Variants in GABRG3 observed in about 807,000 individuals in gnomAD.
GABRG3 encodes gamma-aminobutyric acid receptor subunit gamma-3.
GABRG3 carries 25 observed loss-of-function variants against 48.8 expected under a neutral mutation model. The observed-to-expected ratio is 0.51, with a 90% CI of 0.37 to 0.72. GABRG3 has a LOEUF of 0.72. GABRG3 is among the 30% of genes least tolerant of loss of function. The pLI is 0.00. For missense variants in GABRG3, 394 were observed against 577.9 expected (o/e 0.68, Z 3.26); for synonymous variants, 227 against 217.6 (o/e 1.04, Z -0.38).
At chr15:27,133,313 C>G (rs1897953294) in intron 3 of GABRG3, among the ~76,000 whole-genome samples, 1 of 152,074 alleles carries the variant, frequency 6.6e-6, no homozygotes, top group Non-Finnish European at 1.5e-5. Context: ...AACATGTGTC[C>G]TGAATTAATA....
intron 6 of GABRG3, among the ~76,000 whole-genome samples, chr15:27,511,463 G>A (rs1890893375): frequency 6.6e-6 from 1 of 152,196 alleles, no homozygotes; most frequent in South Asian, 2.1e-4. Context: ...TAGCTATACT[G>A]CTACTAACCA....
chr15:27,047,226 T>C (rs1223785439), intron 3 of GABRG3, among the ~76,000 whole-genome samples: 1 of 152,144 alleles, frequency 6.6e-6, no homozygotes, highest in African/African-American at 2.4e-5. Flanking sequence ...AGTCTTACAG[T>C]TATCATACTG....
intron 3 of GABRG3, among the ~76,000 whole-genome samples, chr15:27,273,564 C>T (rs758105049): frequency 9.2e-5 from 14 of 152,136 alleles, no homozygotes; most frequent in Non-Finnish European, 1.5e-4. Context: ...GCGCAGAAGT[C>T]GTATGAGCTA....
At chr15:27,402,789 T>C (rs1273441475) in intron 5 of GABRG3, among the ~76,000 whole-genome samples, 4 of 152,198 alleles carry the variant, frequency 2.6e-5, no homozygotes. Flanking sequence ...GGAGAAAATA[T>C]ACCATAAGCA....
rs189490833 is a variant in GABRG3, at chr15:27,319,824, A to G, written c.271-6985A>G. 6.6e-6 allele frequency among the ~76,000 whole-genome samples: 1 copy of G among 152,334 alleles called. No homozygotes were observed. Among genetic ancestry groups the G allele is most frequent in the African/African-American group, 2.4e-5 (1 of 41,580 alleles). ...AACCCCAATTCTGTAGGCTCTGGGT[A>G]GCCATGATACATTTTTTTAATAGCA... On this transcript the variant is annotated intron_variant, in intron 3 of 9. Transcript: ENST00000615808. The surrounding 1 kb of genome is among the most constrained non-coding windows in gnomAD (Gnocchi z 4.4).
intron 5 of GABRG3, among the ~76,000 whole-genome samples, chr15:27,469,444 G>A (rs1318488190): frequency 2.0e-5 from 3 of 152,082 alleles, no homozygotes; most frequent in African/African-American, 4.8e-5. Flanking sequence ...AGGTTCAAGC[G>A]ATTCTCCGGC....
chr15:27,165,320 G>C (rs928589641), intron 3 of GABRG3, among the ~76,000 whole-genome samples: 2 of 152,054 alleles, frequency 1.3e-5, no homozygotes, highest in Admixed American at 6.5e-5. Flanking sequence ...TTCCACCTCC[G>C]CCCAGGCGCT....
chr15:27,308,678 C>T (rs1403613199), intron 3 of GABRG3, among the ~76,000 whole-genome samples: 6 of 147,474 alleles, frequency 4.1e-5, no homozygotes, highest in Non-Finnish European at 7.5e-5. Flanking sequence ...TAAACATACG[C>T]TTATGTATAA....
chr15:27,343,166 G>A (rs1042800381), intron 5 of GABRG3, among the ~76,000 whole-genome samples: 14 of 152,244 alleles, frequency 9.2e-5, no homozygotes, highest in African/African-American at 3.4e-4. Context: ...TTGGAAACAC[G>A]AAGGGGAGGG....
Position 27,180,251 on chromosome 15 carries a change from T to C in GABRG3, c.271-146558T>C, listed in dbSNP as rs1396209124. On this transcript the variant is annotated intron_variant, in intron 3 of 9. Coordinates refer to ENST00000615808, the MANE Select transcript of GABRG3 (RefSeq NM_033223.5). The surrounding 1 kb of genome is among the most constrained non-coding windows in gnomAD (Gnocchi z 4.2). ...AAATAAAGTTTGTAAACCACTGATG[T>C]AGAAGAGGGAGTAGATGTACATTCT... 6.6e-6 allele frequency among the ~76,000 whole-genome samples: 1 copy of C among 152,042 alleles called. No individual in the cohort carries two copies. Among genetic ancestry groups the C allele is most frequent in the Non-Finnish European group, 1.5e-5 (1 of 68,020 alleles).
rs756049787 is a variant in GABRG3 at position 27,480,707 on chromosome 15, C to T, written c.632C>T (p.Ala211Val). 2 of 1,613,120 alleles carry T rather than the reference C, an allele frequency of 1.2e-6. No individual in the cohort carries two copies. Among genetic ancestry groups the T allele is most frequent in the South Asian group, 2.2e-5 (2 of 90,796 alleles). ...TGGAGAAAAAATTCAGTGGAGGCAG[C>T]TGACCAGAAATCATGGCGGCTTTAT... ...YRWRKNSVEA[A>V]DQKSWRLYQF... The change falls in exon 6 of 10, where the codon GCT becomes GTT. Residue 211 changes from alanine to valine, a missense_variant. Around this residue, in one of 3 missense-constraint regions of GABRG3, gnomAD observed 218 missense variants for 309.9 expected, o/e 0.70. Transcript: ENST00000615808.
At chr15:27,456,659 A>G (rs1329861338) in intron 5 of GABRG3, among the ~76,000 whole-genome samples, 8 of 152,192 alleles carry the variant, frequency 5.3e-5, no homozygotes, top group Admixed American at 1.3e-4. Context: ...AAAGAGTGAC[A>G]GGGCTGCCCT....
intron 3 of GABRG3, among the ~76,000 whole-genome samples, chr15:27,148,724 T>C (rs1898256221): frequency 6.6e-6 from 1 of 152,010 alleles, no homozygotes; most frequent in Non-Finnish European, 1.5e-5. Context: ...TAATACTCTG[T>C]ATTCATAGAA....
intron 3 of GABRG3, among the ~76,000 whole-genome samples, chr15:27,091,371 G>C (rs958481303): frequency 6.6e-6 from 1 of 152,284 alleles, no homozygotes; most frequent in East Asian, 1.9e-4. Context: ...ACTGGATTCA[G>C]TTTGCTAGCA....
chr15:27,295,368 T>C (rs575404288), intron 3 of GABRG3, among the ~76,000 whole-genome samples: 16 of 152,278 alleles, frequency 1.1e-4, no homozygotes, highest in African/African-American at 3.9e-4. Flanking sequence ...TAAGATTTGC[T>C]AGACCTCAAC....
At chr15:27,349,674 G>C (rs1213928660) in intron 5 of GABRG3, among the ~76,000 whole-genome samples, 1 of 152,132 alleles carries the variant, frequency 6.6e-6, no homozygotes, top group Non-Finnish European at 1.5e-5. Flanking sequence ...GCATCTCTCT[G>C]TTGTTTAGTT....
chr15:27,415,521 T>C (rs1887915297), intron 5 of GABRG3, among the ~76,000 whole-genome samples: 1 of 151,990 alleles, frequency 6.6e-6, no homozygotes, highest in South Asian at 2.1e-4. Flanking sequence ...TGATGGACTC[T>C]GGGGACCGGG....
intron 5 of GABRG3, among the ~76,000 whole-genome samples, chr15:27,467,807 C>T (rs751592135): frequency 2.6e-5 from 4 of 152,162 alleles, no homozygotes; most frequent in Non-Finnish European, 2.9e-5. Flanking sequence ...GAAATGTAGT[C>T]GTCTCCCCTA....
intron 5 of GABRG3, chr15:27,363,325 G>T (rs1209880910): frequency 6.6e-6 from 1 of 152,210 alleles, no homozygotes; most frequent in Non-Finnish European, 1.5e-5. Context: ...CTGCCACCAG[G>T]AAGTCCCACC....
Sources: gnomAD v4.1 joint callset for allele counts (sites outside exome capture counted in the v4.1 genomes callset) on GRCh38, gnomAD v4.1.1 for gene constraint, gnomAD v4.1.1 regional missense constraint, Gnocchi (gnomAD v3.1) non-coding constraint, MANE v1.5 for transcripts, NCBI Gene and HGNC (gene_info 2026-07-23, HGNC 2026-07-21) for gene names.